RPRD2: variants seen among roughly 807,000 people sequenced by gnomAD.
The protein encoded by RPRD2 is regulation of nuclear pre-mRNA domain containing 2.
A neutral mutation model predicts 104.4 loss-of-function variants in RPRD2; 12 were observed. The observed-to-expected ratio is 0.11, with a 90% CI of 0.07 to 0.19. The LOEUF (loss-of-function observed/expected upper bound fraction) is 0.19, where lower values mean the gene tolerates loss of function less well. RPRD2 is among the 10% of genes least tolerant of loss of function. The pLI is 1.00. For synonymous variants in RPRD2, 714 were observed against 684.9 expected, an observed-to-expected ratio of 1.04 and a Z score of -0.66; for missense variants, 1,543 against 1,790.1, an observed-to-expected ratio of 0.86 and a Z score of 2.49.
At chr1:150,464,385 T>G in intron 9 of RPRD2, 142 bp from the exon 10 acceptor site, 1 of 515,954 alleles carries the variant, frequency 1.9e-6, no homozygotes, top group Non-Finnish European at 3.4e-6. Flanking sequence ...TTTTTGTACA[T>G]GTCATGTTAT....
At chr1:150,398,344 C>G (rs1662702010) in intron 1 of RPRD2, among the ~76,000 whole-genome samples, 2 of 151,890 alleles carry the variant, frequency 1.3e-5, no homozygotes, top group South Asian at 2.1e-4. Context: ...CTACAGGTGC[C>G]TGCCACCACG....
intron 7 of RPRD2, 68 bp downstream of exon 7, chr1:150,446,469 A>G (rs1425954464): frequency 1.2e-5 from 15 of 1,295,580 alleles, no homozygotes; most frequent in African/African-American, 1.5e-5. Flanking sequence ...GTTAACATGC[A>G]TTATCTAACT....
chr1:150,407,168 G>A (rs1553886722), intron 1 of RPRD2, among the ~76,000 whole-genome samples: 1 of 152,188 alleles, frequency 6.6e-6, no homozygotes, highest in African/African-American at 2.4e-5. Context: ...GGCACATACA[G>A]TGCTAGGGTT....
At chr1:150,451,613 T>C (rs1553896582) in intron 7 of RPRD2, among the ~76,000 whole-genome samples, 2 of 146,566 alleles carry the variant, frequency 1.4e-5, no homozygotes, top group African/African-American at 5.1e-5. Context: ...AGGCGGAGCT[T>C]GCAGGGAGCC....
chr1:150,445,788 G>A (rs1284206354), intron 6 of RPRD2, among the ~76,000 whole-genome samples: 1 of 152,126 alleles, frequency 6.6e-6, no homozygotes, highest in Non-Finnish European at 1.5e-5. Context: ...AAATTGTGAG[G>A]CCGGGCACGG....
intron 5 of RPRD2, 61 bp downstream of exon 5, chr1:150,443,344 TC>T: frequency 9.0e-7 from 1 of 1,112,562 alleles, no homozygotes; most frequent in East Asian, 2.6e-5. Context: ...TATTATAGTT[TC>T]CTGTATAGTC....
intron 2 of RPRD2, among the ~76,000 whole-genome samples, chr1:150,433,535 T>C (rs1231401331): frequency 1.9e-4 from 27 of 145,310 alleles, no homozygotes; most frequent in Non-Finnish European, 1.5e-4. Flanking sequence ...AGCTCCTCCT[T>C]CCAGGTTCAT....
rs587606958 is a variant in RPRD2 at position 150,465,263 on chromosome 1, GC to G, written c.1612+539del. Among the ~76,000 whole-genome samples, 4 of 151,844 alleles carry G rather than the reference GC, an allele frequency of 2.6e-5. No homozygotes were observed. The South Asian group carries it at 6.2e-4, about 24-fold the overall frequency. On this transcript the variant is annotated intron_variant, in intron 10 of 10. Transcript: ENST00000369068. The stretch of plus-strand genomic sequence containing the variant: ...CTCCCAAGTAGCTAGGATTACAGGT[GC>G]CCACCACCACATCCAGCTAATTTTT...
At position 150,422,367 on chromosome 1, in the gene RPRD2, T is replaced by TAATAATAATAATAATAATAATAATAAA. The variant is rs1407375626; in HGVS notation, c.335+4644_335+4645insTAATAATAATAATAATAATAATAAAAA. 5.1e-3 allele frequency among the ~76,000 whole-genome samples: 576 copies of TAATAATAATAATAATAATAATAATAAA among 111,932 alleles called. 2 individuals carry two copies. The highest frequency in any genetic ancestry group is 9.0e-3 in the Admixed American group (108 of 12,048). The allele number at this position is 111,932 out of a possible 152,430, so 73.4% of individuals were successfully genotyped here. A position where few individuals can be genotyped will look rare whatever the true frequency, so the allele number is the denominator to read the frequency against. The stretch of plus-strand genomic sequence containing the variant: ...ATAATAATAATAATAATAATAATAA[T>TAATAATAATAATAATAATAATAATAAA]AAATAAAATTAAAATAAAAAAATAA... On this transcript the variant is annotated intron_variant, in intron 2 of 10. Coordinates refer to ENST00000369068, the MANE Select transcript of RPRD2 (RefSeq NM_015203.5).
rs1666525912 is a variant in RPRD2, at chr1:150,443,242, C to G, written c.526C>G (p.Pro176Ala). ...QWKKSQTSTN[P>A]KAALKSKIVA... Reference sequence around the variant, plus strand: ...TTTAATTCCAACAGCATCTACAAATCCAAAAGCTGCTCTCAAGTCTAAGAT... The same window carrying G: ...TTTAATTCCAACAGCATCTACAAATGCAAAAGCTGCTCTCAAGTCTAAGAT... The change falls in exon 5 of 11, where the codon CCA (proline) becomes GCA (alanine). Residue 176 changes from proline to alanine, a missense_variant. Physicochemically the swap from Pro to Ala is conservative, Grantham distance 27 (BLOSUM62 -1). Transcript: ENST00000369068. 6.3e-7 allele frequency: 1 copy of G among 1,576,948 alleles called. No individual in the cohort carries two copies. The highest frequency in any genetic ancestry group is 8.6e-7 in the Non-Finnish European group (1 of 1,159,590).
Position 150,470,719 on chromosome 1 carries a change from A to G in RPRD2, c.1771A>G (p.Asn591Asp), listed in dbSNP as rs1668531238. ...CCAACCTTTTATTCCCAAAAGCTTC[A>G]ACTATTCTCCTAACTCATCAACTTC... ...SAQPFIPKSF[N>D]YSPNSSTSEV... Residue 591 changes from asparagine (N) to aspartate (D), a missense_variant, in exon 11 of 11, where the codon AAC becomes GAC. By Grantham distance (23) the Asn-to-Asp change is conservative. Coordinates refer to ENST00000369068, the MANE Select transcript of RPRD2 (RefSeq NM_015203.5). The G allele has an allele frequency of 3.7e-6, 6 of 1,614,034 alleles. No homozygotes were observed. The highest frequency in any genetic ancestry group is 5.1e-6 in the Non-Finnish European group (6 of 1,179,892).
At chr1:150,422,617 CAT>C (rs1424942640) in intron 2 of RPRD2, among the ~76,000 whole-genome samples, 6 of 152,080 alleles carry the variant, frequency 3.9e-5, no homozygotes, top group Admixed American at 3.9e-4. Context: ...CCAACATTAA[CAT>C]ATGCTGCCAA....
chr1:150,366,472 C>T (rs1426775399), intron 1 of RPRD2, among the ~76,000 whole-genome samples: 2 of 152,168 alleles, frequency 1.3e-5, no homozygotes, highest in Non-Finnish European at 2.9e-5. Context: ...TATTTTCTTG[C>T]CCAGAGGTAA....
chr1:150,423,154 G>T (rs781951413), intron 2 of RPRD2, among the ~76,000 whole-genome samples: 12 of 152,154 alleles, frequency 7.9e-5, no homozygotes, highest in Non-Finnish European at 1.3e-4. Context: ...GGACAGAAAT[G>T]CCAGTTTATC....
chr1:150,376,410 A>G (rs184302437), intron 1 of RPRD2, among the ~76,000 whole-genome samples: 349 of 152,122 alleles, frequency 2.3e-3, no homozygotes, highest in Non-Finnish European at 4.5e-3. Context: ...ATAACTTAAC[A>G]TTTTTTGTTT....
At chr1:150,388,494 C>T (rs1042791044) in intron 1 of RPRD2, among the ~76,000 whole-genome samples, 6 of 93,098 alleles carry the variant, frequency 6.4e-5, no homozygotes, top group Non-Finnish European at 9.8e-5. Flanking sequence ...TATATATACC[C>T]GCGCACACAC....
intron 2 of RPRD2, among the ~76,000 whole-genome samples, chr1:150,430,863 G>A (rs1283067650): frequency 2.0e-5 from 3 of 151,968 alleles, no homozygotes; most frequent in Non-Finnish European, 4.4e-5. Flanking sequence ...AGAGGTGGAG[G>A]TTGCGGTGAG....
intron 8 of RPRD2, among the ~76,000 whole-genome samples, chr1:150,458,327 G>A (rs367744346): frequency 2.6e-5 from 4 of 151,820 alleles, no homozygotes; most frequent in East Asian, 3.9e-4. Context: ...GGTGGCATGC[G>A]TCTGTAGCCC....
chr1:150,392,996 G>T (rs1268269662), intron 1 of RPRD2, among the ~76,000 whole-genome samples: 2 of 151,962 alleles, frequency 1.3e-5, no homozygotes, highest in South Asian at 2.1e-4. Flanking sequence ...AAACATAAAA[G>T]AATAATTTTA....
Sources: gnomAD v4.1 joint callset for allele counts (sites outside exome capture counted in the v4.1 genomes callset) on GRCh38, gnomAD v4.1.1 for gene constraint, MANE v1.5 for transcripts, NCBI Gene and HGNC (gene_info 2026-07-23, HGNC 2026-07-21) for gene names.